The following LRMDA variants were observed in gnomAD, a reference collection of about 807,000 sequenced individuals.
LRMDA encodes the protein leucine rich melanocyte differentiation associated, also known as leucine-rich melanocyte differentiation-associated protein.
A neutral mutation model predicts 29.8 loss-of-function variants in LRMDA; 18 were observed. That is an observed-to-expected ratio of 0.60 (90% confidence interval 0.42 to 0.90). The LOEUF (loss-of-function observed/expected upper bound fraction) is 0.90. Among genes scored for constraint, LRMDA ranks in the 40% least tolerant of loss-of-function variants. LRMDA has a pLI of 0.00. For missense variants in LRMDA, 273 were observed against 273.9 expected (o/e 1.00, Z 0.02); for synonymous variants, 125 against 109.4 (o/e 1.14, Z -0.89).
rs112396508 is a variant in LRMDA, at chr10:75,720,184, C to T, written c.131+281690C>T. ...AATCCAAAATTTGAGAATCCTGAGA[C>T]GGCACATCAAATCTTAGTAAAATAA... On this transcript the variant is annotated intron_variant, in intron 2 of 6. Transcript: ENST00000611255. Among the ~76,000 whole-genome samples, 986 of 152,072 alleles carry T rather than the reference C, an allele frequency of 6.5e-3. 4 individuals are homozygous for T. Among genetic ancestry groups the T allele is most frequent in the Non-Finnish European group, 9.8e-3 (665 of 67,998 alleles).
At chr10:76,486,362 A>G (rs923007362) in intron 6 of LRMDA, among the ~76,000 whole-genome samples, 1 of 151,884 alleles carries the variant, frequency 6.6e-6, no homozygotes, top group Non-Finnish European at 1.5e-5. Context: ...GACTTGGGCC[A>G]TGGATTATAT....
chr10:76,077,031 A>G (rs759935157), intron 5 of LRMDA, among the ~76,000 whole-genome samples: 1 of 152,078 alleles, frequency 6.6e-6, no homozygotes, highest in East Asian at 1.9e-4. Context: ...TGTTTGTCCT[A>G]TATGTCTAGC....
intron 2 of LRMDA, among the ~76,000 whole-genome samples, chr10:75,727,521 C>T (rs771109164): frequency 2.6e-5 from 4 of 152,150 alleles, no homozygotes; most frequent in Admixed American, 1.3e-4. Flanking sequence ...ATATGCTTAT[C>T]GCTTGCTTTT....
intron 5 of LRMDA, among the ~76,000 whole-genome samples, chr10:76,272,284 C>T (rs1222624587): frequency 2.0e-5 from 3 of 152,124 alleles, no homozygotes; most frequent in Admixed American, 1.3e-4. Context: ...GAATTTAAAT[C>T]CTCCTCAATG....
chr10:76,011,975 G>A (rs1301079848), intron 2 of LRMDA, among the ~76,000 whole-genome samples: 1 of 152,200 alleles, frequency 6.6e-6, no homozygotes, highest in Non-Finnish European at 1.5e-5. Context: ...GATAGGAGGA[G>A]GAGGAGGGAG....
intron 5 of LRMDA, among the ~76,000 whole-genome samples, chr10:76,071,471 C>T (rs1188547335): frequency 1.3e-5 from 2 of 152,064 alleles, no homozygotes; most frequent in African/African-American, 2.4e-5. Flanking sequence ...ATATTTTTTT[C>T]TTCTTTGTGT....
intron 6 of LRMDA, among the ~76,000 whole-genome samples, chr10:76,537,548 C>T (rs1469198389): frequency 6.6e-6 from 1 of 152,158 alleles, no homozygotes; most frequent in Non-Finnish European, 1.5e-5. Context: ...TTCTAAAGGC[C>T]ATACATATTC....
rs1843127274 is a variant in LRMDA, at chr10:76,522,091, T to C, written c.602-35118T>C. Among the ~76,000 whole-genome samples, 7 of 152,210 alleles carry C rather than the reference T, an allele frequency of 4.6e-5. 1 individual carries two copies. Among genetic ancestry groups the C allele is most frequent in the Non-Finnish European group, 1.0e-4 (7 of 68,038 alleles). On this transcript the variant is annotated intron_variant, in intron 6 of 6. Transcript: ENST00000611255. ...TAAACCCTTACCCAAACCTCACTTG[T>C]AGGGGTTAAACTTATGCTTGGAATC...
At chr10:76,061,569 T>C (rs1848701751) in intron 5 of LRMDA, among the ~76,000 whole-genome samples, 1 of 152,236 alleles carries the variant, frequency 6.6e-6, no homozygotes, top group East Asian at 1.9e-4. Context: ...GAGACTAAAG[T>C]ACTCTTACAA....
intron 2 of LRMDA, among the ~76,000 whole-genome samples, chr10:75,569,194 A>G (rs1840407675): frequency 6.6e-6 from 1 of 152,166 alleles, no homozygotes; most frequent in African/African-American, 2.4e-5. Flanking sequence ...TGGAATGGGT[A>G]GACATGTTTC....
At chr10:76,223,123 G>A (rs563202695) in intron 5 of LRMDA, among the ~76,000 whole-genome samples, 1 of 151,652 alleles carries the variant, frequency 6.6e-6, no homozygotes, top group African/African-American at 2.4e-5. Context: ...TTGTGGGGTG[G>A]GGGGAGTGGG....
At chr10:76,202,117 C>T (rs916869746) in intron 5 of LRMDA, among the ~76,000 whole-genome samples, 3 of 152,138 alleles carry the variant, frequency 2.0e-5, no homozygotes, top group Non-Finnish European at 2.9e-5. Flanking sequence ...GATTCTGTCA[C>T]GTTGGCTACT....
intron 6 of LRMDA, among the ~76,000 whole-genome samples, chr10:76,455,999 C>A (rs951726732): frequency 1.3e-5 from 2 of 152,246 alleles, no homozygotes; most frequent in Non-Finnish European, 2.9e-5. Context: ...TGCTGGCCAA[C>A]CCTGCTAGTA....
intron 6 of LRMDA, among the ~76,000 whole-genome samples, chr10:76,486,340 G>A (rs1842782235): frequency 6.6e-6 from 1 of 151,834 alleles, no homozygotes; most frequent in Admixed American, 6.6e-5. Flanking sequence ...CATTAGTCAA[G>A]GCTTCATCTA....
At chr10:76,301,715 C>T (rs1840482908) in intron 5 of LRMDA, among the ~76,000 whole-genome samples, 1 of 152,088 alleles carries the variant, frequency 6.6e-6, no homozygotes, top group Admixed American at 6.6e-5. Flanking sequence ...CCCAAGTAGA[C>T]AAATGGCTGT....
chr10:75,849,081 C>T (rs996552661), intron 2 of LRMDA, among the ~76,000 whole-genome samples: 8 of 152,152 alleles, frequency 5.3e-5, no homozygotes, highest in African/African-American at 1.9e-4. Context: ...TCTGCTGTGG[C>T]TCCAACTCCT....
intron 4 of LRMDA, among the ~76,000 whole-genome samples, chr10:76,049,235 G>A (rs1409993385): frequency 6.6e-6 from 1 of 152,176 alleles, no homozygotes; most frequent in Admixed American, 6.5e-5. Context: ...GAGTTGAGGG[G>A]TGGGGCTAGG....
At chr10:76,403,733 C>T (rs1371603394) in intron 6 of LRMDA, among the ~76,000 whole-genome samples, 1 of 152,118 alleles carries the variant, frequency 6.6e-6, no homozygotes, top group African/African-American at 2.4e-5. Context: ...CTATTTTGTT[C>T]ATGATGGTTA....
At chr10:76,170,261 C>G (rs911581337) in intron 5 of LRMDA, among the ~76,000 whole-genome samples, 1 of 152,214 alleles carries the variant, frequency 6.6e-6, no homozygotes, top group Non-Finnish European at 1.5e-5. Flanking sequence ...AAAACTAGCT[C>G]ATCTAACCAA....
Sources: gnomAD v4.1 joint callset for allele counts (sites outside exome capture counted in the v4.1 genomes callset) on GRCh38, gnomAD v4.1.1 for gene constraint, MANE v1.5 for transcripts, NCBI Gene and HGNC (gene_info 2026-07-23, HGNC 2026-07-21) for gene names.